The following PCDH15 variants were observed in gnomAD, a reference collection of about 807,000 sequenced individuals.
PCDH15 encodes protocadherin-15.
Under a neutral mutation model 178.5 loss-of-function variants are expected in PCDH15, and 129 were observed. The observed-to-expected ratio is 0.72, with a 90% CI of 0.63 to 0.84. PCDH15 has a LOEUF of 0.84. Among genes scored for constraint, PCDH15 ranks in the 40% least tolerant of loss-of-function variants. The pLI is 0.00. For synonymous variants in PCDH15, 800 were observed against 732.0 expected, an observed-to-expected ratio of 1.09 and a Z score of -1.50; for missense variants, 2,230 against 2,099.9, an observed-to-expected ratio of 1.06 and a Z score of -1.21.
intron 1 of PCDH15, among the ~76,000 whole-genome samples, chr10:55,175,663 C>CAAAAAAAAAAAAAAAGAAAAAAAAAAAA (rs1839463630): frequency 9.4e-6 from 1 of 106,672 alleles, no homozygotes; most frequent in African/African-American, 3.6e-5. Flanking sequence ...GACTCTGTCT[C>CAAAAAAAAAAAAAAAGAAAAAAAAAAAA]AAAAAAAAAA....
At chr10:53,981,470 G>C (rs2090631273) in intron 21 of PCDH15, among the ~76,000 whole-genome samples, 1 of 152,050 alleles carries the variant, frequency 6.6e-6, no homozygotes, top group African/African-American at 2.4e-5. Context: ...CCAAAACAGA[G>C]ATATAGATCA....
At chr10:54,536,100 A>T (rs902578644) in intron 2 of PCDH15, among the ~76,000 whole-genome samples, 4 of 152,202 alleles carry the variant, frequency 2.6e-5, no homozygotes, top group Non-Finnish European at 5.9e-5. Flanking sequence ...TACCACTGAC[A>T]TCAAAAGAGG....
chr10:55,411,743 G>T (rs766494254), intron 2 of PCDH15, among the ~76,000 whole-genome samples: 2 of 152,100 alleles, frequency 1.3e-5, no homozygotes, highest in Non-Finnish European at 2.9e-5. Context: ...CTTAGTCAAA[G>T]AGAAAGCAGT....
intron 3 of PCDH15, among the ~76,000 whole-genome samples, chr10:54,465,447 T>C (rs984755724): frequency 6.6e-6 from 1 of 152,110 alleles, no homozygotes; most frequent in South Asian, 2.1e-4. Context: ...GTCTATACCT[T>C]CATGATATTA....
chr10:54,789,329 T>C (rs917370934), intron 1 of PCDH15, among the ~76,000 whole-genome samples: 2 of 151,838 alleles, frequency 1.3e-5, no homozygotes, highest in African/African-American at 4.8e-5. Context: ...GGAGAGAGAA[T>C]TTCCTGATGA....
upstream of PCDH15, among the ~76,000 whole-genome samples, chr10:54,803,334 T>C (rs1446282212): frequency 2.0e-5 from 3 of 152,172 alleles, no homozygotes; most frequent in Non-Finnish European, 4.4e-5. Context: ...TTTTGACAGA[T>C]AGTTTCTAAT....
intron 2 of PCDH15, among the ~76,000 whole-genome samples, chr10:54,925,356 A>T (rs1369641427): frequency 6.6e-6 from 1 of 152,008 alleles, no homozygotes; most frequent in Non-Finnish European, 1.5e-5. Flanking sequence ...GCCTTGTTGT[A>T]TATATTAAAG....
rs147584381 is a variant in PCDH15 at position 54,607,460 on chromosome 10, GAGAGA to G, written c.91+56707_91+56711del. ...AATATTAAAGAATGGCAGTAGACTA[GAGAGA>G]AGAGAAGGAAAGGCATACAGGAAAT... On this transcript the variant is annotated intron_variant, in intron 2 of 37. Coordinates refer to ENST00000644397, the MANE Select transcript of PCDH15 (RefSeq NM_001384140.1). Among the ~76,000 whole-genome samples the G allele has an allele frequency of 6.0e-3, 906 of 152,102 alleles. 25 individuals carry two copies. The East Asian group carries it at 0.085, about 14-fold the overall frequency.
chr10:55,607,893 TATA>T (rs895757102), intron 2 of PCDH15, among the ~76,000 whole-genome samples: 1 of 151,108 alleles, frequency 6.6e-6, no homozygotes, highest in African/African-American at 2.4e-5. Context: ...AAACTTAAAG[TATA>T]ATAATAAAAA....
chr10:54,112,986 GA>G (rs1001061564), intron 15 of PCDH15, among the ~76,000 whole-genome samples: 1 of 152,104 alleles, frequency 6.6e-6, no homozygotes, highest in Admixed American at 6.6e-5. Context: ...GCTTACTGGG[GA>G]ATGAAATAAA....
intron 2 of PCDH15, among the ~76,000 whole-genome samples, chr10:55,560,745 G>A (rs1165529045): frequency 5.3e-5 from 8 of 151,818 alleles, no homozygotes; most frequent in Admixed American, 2.0e-4. Context: ...TTCAAGTCCT[G>A]TGACATATCT....
intron 23 of PCDH15, among the ~76,000 whole-genome samples, chr10:53,941,249 T>C (rs974955727): frequency 6.6e-6 from 1 of 152,150 alleles, no homozygotes; most frequent in African/African-American, 2.4e-5. Context: ...AAATGTGTAA[T>C]GGCATGTATC....
At chr10:54,219,085 C>T (rs2052431575) in intron 9 of PCDH15, among the ~76,000 whole-genome samples, 2 of 58,652 alleles carry the variant, frequency 3.4e-5, no homozygotes, top group East Asian at 2.8e-4. Flanking sequence ...AACCCTGTCT[C>T]TACTAAAAAA....
chr10:55,191,423 T>C (rs1001469962), intron 1 of PCDH15, among the ~76,000 whole-genome samples: 1 of 151,838 alleles, frequency 6.6e-6, no homozygotes, highest in Admixed American at 6.6e-5. Flanking sequence ...TTTGTTTTTA[T>C]CTTTTCTAGC....
At chr10:53,955,559 C>T (rs544242250) in intron 23 of PCDH15, among the ~76,000 whole-genome samples, 5 of 152,256 alleles carry the variant, frequency 3.3e-5, no homozygotes, top group East Asian at 1.9e-4. Context: ...AGTATTGGAA[C>T]GAAGACATTC....
chr10:55,025,514 G>A (rs1591842805), intron 2 of PCDH15, among the ~76,000 whole-genome samples: 2 of 151,940 alleles, frequency 1.3e-5, no homozygotes, highest in South Asian at 4.1e-4. Flanking sequence ...TAATCATTTT[G>A]AAAATTATTA....
intron 25 of PCDH15, among the ~76,000 whole-genome samples, chr10:53,938,139 T>C (rs956553096): frequency 2.0e-5 from 3 of 152,142 alleles, no homozygotes; most frequent in Non-Finnish European, 4.4e-5. Flanking sequence ...CTTCACAAAT[T>C]GGCTTTTATA....
At chr10:55,253,713 A>C (rs141702312) in intron 1 of PCDH15, among the ~76,000 whole-genome samples, 1 of 152,330 alleles carries the variant, frequency 6.6e-6, no homozygotes, top group East Asian at 1.9e-4. Context: ...CATAAAGCTG[A>C]ATCACTGAAG....
chr10:53,936,254 A>G (rs2085563412), intron 25 of PCDH15, among the ~76,000 whole-genome samples: 1 of 152,220 alleles, frequency 6.6e-6, no homozygotes, highest in African/African-American at 2.4e-5. Flanking sequence ...ATTCTGATGT[A>G]AATAAATGTT....
Sources: gnomAD v4.1 joint callset for allele counts (sites outside exome capture counted in the v4.1 genomes callset) on GRCh38, gnomAD v4.1.1 for gene constraint, MANE v1.5 for transcripts, NCBI Gene and HGNC (gene_info 2026-07-23, HGNC 2026-07-21) for gene names.